Variants in NPAT observed in about 807,000 individuals in gnomAD.
NPAT encodes the protein protein NPAT.
NPAT carries 52 observed loss-of-function variants against 130.7 expected under a neutral mutation model. The ratio of observed to expected loss-of-function variants is 0.40; its 90% confidence interval spans 0.32 to 0.50. The LOEUF (loss-of-function observed/expected upper bound fraction) is 0.50, where lower values mean the gene tolerates loss of function less well. NPAT is among the 20% of genes least tolerant of loss of function. NPAT has a pLI of 0.68. For synonymous variants in NPAT, 580 were observed against 584.8 expected (o/e 0.99, Z 0.12); for missense variants, 1,687 against 1,662.6 (o/e 1.01, Z -0.26).
At position 108,189,390 on chromosome 11, in the gene NPAT, G is replaced by T. The variant is rs371581574; in HGVS notation, c.332-60C>A. 3 of 1,453,404 alleles carry T rather than the reference G, an allele frequency of 2.1e-6. No homozygotes were observed. In the South Asian group the frequency reaches 3.4e-5, roughly 17 times the overall value. The allele number at this position is 1,453,404 out of a possible 1,614,324, so 90.0% of individuals were successfully genotyped here. A position where few individuals can be genotyped will look rare whatever the true frequency, so the allele number is the denominator to read the frequency against. On this transcript the variant is annotated intron_variant, in intron 5 of 17. Transcript: ENST00000278612. ...CGTCAGGGTAGTTTGGGAATTGTAAGAAGTCAATATGATGCAACCTATTAT... is the reference window on the plus strand; with the variant it reads ...CGTCAGGGTAGTTTGGGAATTGTAATAAGTCAATATGATGCAACCTATTAT...
At position 108,172,514 on chromosome 11, in the gene NPAT, C is replaced by G; in HGVS notation, c.2470G>C (p.Val824Leu). ...CCATCTTCATTCTGAGTATTGTTTA[C>G]TGCAGAGTCTTCAGATTTGAATGTT... ...LLTFKSEDSA[V>L]NNTQNEDGIA... The change falls in exon 13 of 18, where the codon GTA (valine) becomes CTA (leucine). Residue 824 changes from valine (V) to leucine (L), a missense_variant. This residue lies in a region of NPAT where 1,379 missense variants were observed against 1,346.6 expected (regional missense o/e 1.02). Coordinates refer to ENST00000278612, the MANE Select transcript of NPAT (RefSeq NM_002519.3). The G allele has an allele frequency of 6.2e-7, 1 of 1,614,190 alleles. No individual in the cohort carries two copies. The highest frequency in any genetic ancestry group is 8.5e-7 in the Non-Finnish European group (1 of 1,180,034).
chr11:108,171,481 T>C (rs970893198), intron 13 of NPAT: 1 of 150,834 alleles, frequency 6.6e-6, no homozygotes, highest in African/African-American at 2.4e-5. Context: ...AAGGAAGAAA[T>C]TCAAGTTTTT....
intron 10 of NPAT, among the ~76,000 whole-genome samples, chr11:108,181,762 A>T (rs2078060778): frequency 6.6e-6 from 1 of 151,976 alleles, no homozygotes; most frequent in Admixed American, 6.6e-5. Flanking sequence ...TCCTCCTCCT[A>T]AATCTAAAGC....
Position 108,169,932 on chromosome 11 carries a change from C to G in NPAT, c.2897G>C (p.Arg966Pro), listed in dbSNP as rs201165741. 21 of 1,612,672 alleles carry G rather than the reference C, an allele frequency of 1.3e-5. No homozygotes were observed. The South Asian group carries it at 2.0e-4, about 15-fold the overall frequency. The change falls in exon 14 of 18, where the codon CGG (arginine) becomes CCG (proline). Residue 966 changes from arginine to proline, a missense_variant. Around this residue, in one of 3 missense-constraint regions of NPAT, gnomAD observed 1,379 missense variants for 1,346.6 expected, o/e 1.02. Transcript: ENST00000278612. The stretch of plus-strand genomic sequence containing the variant: ...TTTTCAGTTCATAAATCTTACCTGC[C>G]GAGGAGGAGTAGAAAAGTTATTTCC... ...QNGNNFSTPP[R>P]QVLHMPLTAP... is the part of the protein sequence containing the mutation.
chr11:108,214,588 T>C (rs886353628), intron 1 of NPAT, among the ~76,000 whole-genome samples: 3 of 152,130 alleles, frequency 2.0e-5, no homozygotes, highest in Non-Finnish European at 2.9e-5. Context: ...AGTTTACATT[T>C]TGTAGTATGT....
intron 5 of NPAT, 72 bp downstream of exon 5, chr11:108,190,388 A>T: frequency 6.1e-6 from 7 of 1,144,340 alleles, no homozygotes; most frequent in Non-Finnish European, 9.3e-6. Flanking sequence ...CATGTGTACA[A>T]TGAATTAAAA....
chr11:108,160,035 C>A (rs983218713), intron 17 of NPAT, among the ~76,000 whole-genome samples: 3 of 151,692 alleles, frequency 2.0e-5, no homozygotes, highest in Non-Finnish European at 4.4e-5. Context: ...CCTGTAATCC[C>A]AGCTACTCAG....
intron 13 of NPAT, among the ~76,000 whole-genome samples, chr11:108,170,576 C>T (rs754654450): frequency 3.3e-5 from 5 of 152,160 alleles, no homozygotes; most frequent in African/African-American, 7.2e-5. Context: ...ATTACAATGT[C>T]TACATGGTCC....
intron 2 of NPAT, among the ~76,000 whole-genome samples, chr11:108,195,024 A>G (rs1016579371): frequency 6.6e-6 from 1 of 151,910 alleles, no homozygotes; most frequent in Non-Finnish European, 1.5e-5. Context: ...GGGTTTCACT[A>G]TCTTGGCCAG....
intron 1 of NPAT, among the ~76,000 whole-genome samples, chr11:108,198,812 G>A (rs982832938): frequency 6.6e-6 from 1 of 152,186 alleles, no homozygotes; most frequent in African/African-American, 2.4e-5. Context: ...CCCCTCTCGT[G>A]TCGAGAGCTG....
intron 8 of NPAT, 25 bp downstream of exon 8, chr11:108,186,457 T>G (rs1591399833): frequency 6.3e-7 from 1 of 1,576,198 alleles, no homozygotes; most frequent in East Asian, 2.2e-5. Context: ...TATTTTAAGT[T>G]GCAAAGTTTG....
At position 108,161,673 on chromosome 11, in the gene NPAT, T is replaced by G; in HGVS notation, c.3413A>C (p.His1138Pro). The G allele has an allele frequency of 6.2e-7, 1 of 1,614,078 alleles. No homozygotes were observed. Among genetic ancestry groups the G allele is most frequent in the Non-Finnish European group, 8.5e-7 (1 of 1,180,050 alleles). The part of the protein sequence containing the change: ...LSKSESAISR[H>P]TTIRETQSEK... ...TGATTGAGTTTCTCTTATGGTGGTA[T>G]GCCGGCTAATGGCACTTTCCGATTT... The change falls in exon 17 of 18, where the codon CAT becomes CCT. Residue 1138 changes from histidine (H) to proline (P), a missense_variant. Physicochemically the swap from His to Pro is moderately conservative, Grantham distance 77 (BLOSUM62 -2). This residue lies in a region of NPAT where 1,379 missense variants were observed against 1,346.6 expected (regional missense o/e 1.02). Transcript: ENST00000278612.
Position 108,162,256 on chromosome 11 carries a change from ACATAT to A in NPAT, c.3011-81_3011-77del, listed in dbSNP as rs2077859513. On this transcript the variant is annotated intron_variant, in intron 15 of 17. Transcript: ENST00000278612. ...GAGGATAGAACAGATGACAATTATC[ACATAT>A]CATGAGAAAAAATTTTAAATGGTAG... 3.0e-6 allele frequency: 4 copies of A among 1,333,464 alleles called. No individual in the cohort carries two copies. In the Admixed American group the frequency reaches 8.0e-5, roughly 27 times the overall value. 82.6% of individuals were successfully genotyped at this position (1,333,464 alleles called of 1,614,324 possible).
chr11:108,183,816 A>C (rs968171113), intron 10 of NPAT, among the ~76,000 whole-genome samples: 2 of 151,688 alleles, frequency 1.3e-5, no homozygotes, highest in Non-Finnish European at 2.9e-5. Context: ...CCAAACAAAA[A>C]CCAAAAATTA....
At position 108,164,888 on chromosome 11, in the gene NPAT, G is replaced by C. The variant is rs769103191; in HGVS notation, c.3011-2708C>G. ...TAGCTGGGCATGGTGATGCGTGCCT[G>C]TAGCCCCAGCTACTCGGGAGGCTGA... On this transcript the variant is annotated intron_variant, in intron 15 of 17. Transcript: ENST00000278612. Among the ~76,000 whole-genome samples, 5 of 152,160 alleles carry C rather than the reference G, an allele frequency of 3.3e-5. No individual in the cohort carries two copies. The South Asian group carries it at 1.0e-3, about 32-fold the overall frequency.
At chr11:108,212,071 T>C (rs1260683527) in intron 1 of NPAT, among the ~76,000 whole-genome samples, 2 of 150,344 alleles carry the variant, frequency 1.3e-5, no homozygotes, top group African/African-American at 5.0e-5. Context: ...TAGAGTTATC[T>C]ATTAAAAAAA....
At chr11:108,200,499 TATTA>T (rs1345477595) in intron 1 of NPAT, among the ~76,000 whole-genome samples, 2 of 152,158 alleles carry the variant, frequency 1.3e-5, no homozygotes, top group East Asian at 3.9e-4. Context: ...TGCAGACCAA[TATTA>T]ATTAACCCAG....
chr11:108,217,385 T>A (rs1565331066), intron 1 of NPAT, among the ~76,000 whole-genome samples: 2 of 152,202 alleles, frequency 1.3e-5, no homozygotes, highest in African/African-American at 4.8e-5. Context: ...TAGAAGTGTT[T>A]TGGACTTTAT....
intron 1 of NPAT, among the ~76,000 whole-genome samples, chr11:108,220,164 A>G (rs2078470036): frequency 1.3e-5 from 2 of 152,216 alleles, no homozygotes. Flanking sequence ...GGCAACAAAC[A>G]CTTTGATGTA....
Sources: gnomAD v4.1 joint callset for allele counts (sites outside exome capture counted in the v4.1 genomes callset) on GRCh38, gnomAD v4.1.1 for gene constraint, gnomAD v4.1.1 regional missense constraint, MANE v1.5 for transcripts, NCBI Gene and HGNC (gene_info 2026-07-23, HGNC 2026-07-21) for gene names.